The following PLD5 variants were observed in gnomAD, a reference collection of about 807,000 sequenced individuals.
The protein encoded by PLD5 is inactive phospholipase D5.
In PLD5, 36 loss-of-function variants were observed where a neutral mutation model predicts 61.1. The observed-to-expected ratio is 0.59, with a 90% CI of 0.45 to 0.78. The LOEUF (loss-of-function observed/expected upper bound fraction) is 0.78. Ranked by LOEUF, PLD5 falls within the 30% of genes least tolerant of loss-of-function variation. The pLI is 0.00. For missense variants in PLD5, 515 were observed against 644.4 expected (o/e 0.80, Z 2.17); for synonymous variants, 243 against 242.8 (o/e 1.00, Z -0.01).
chr1:242,206,285 T>C (rs1353422340), intron 5 of PLD5, among the ~76,000 whole-genome samples: 1 of 152,212 alleles, frequency 6.6e-6, no homozygotes. Context: ...TGCCGCCTAC[T>C]CCCTCTGGCT....
chr1:242,259,701 TC>T (rs1235446640), intron 4 of PLD5, among the ~76,000 whole-genome samples: 2 of 152,192 alleles, frequency 1.3e-5, no homozygotes, highest in African/African-American at 2.4e-5. Flanking sequence ...CTTTTTTTTT[TC>T]AAAAGGAAAT....
Position 242,295,069 on chromosome 1 carries a change from C to T in PLD5, c.327-6539G>A, listed in dbSNP as rs149154435. On this transcript the variant is annotated intron_variant, in intron 2 of 9. Coordinates refer to ENST00000536534, the MANE Select transcript of PLD5 (RefSeq NM_001372062.1). ...AGGGGAACAGATGATCTCGGCTCAT[C>T]AATACAGTCAGGTTCACACTCAAAG... Among the ~76,000 whole-genome samples the T allele has an allele frequency of 1.9e-3, 284 of 152,244 alleles. 1 individual carries two copies. The highest frequency in any genetic ancestry group is 6.5e-3 in the African/African-American group (269 of 41,542).
chr1:242,110,960 A>G (rs1279263860), intron 7 of PLD5, among the ~76,000 whole-genome samples: 2 of 152,236 alleles, frequency 1.3e-5, no homozygotes, highest in Non-Finnish European at 2.9e-5. Flanking sequence ...TGAAGAAATA[A>G]ATAATGAACA....
intron 5 of PLD5, among the ~76,000 whole-genome samples, chr1:242,143,807 C>T (rs1025974975): frequency 4.6e-5 from 7 of 152,016 alleles, no homozygotes; most frequent in Admixed American, 2.6e-4. Context: ...CCCCAAATGA[C>T]GACATTCAAA....
intron 9 of PLD5, among the ~76,000 whole-genome samples, chr1:242,097,886 C>T (rs1421280464): frequency 6.6e-6 from 1 of 152,174 alleles, no homozygotes; most frequent in Non-Finnish European, 1.5e-5. Flanking sequence ...TTAGGTCTAA[C>T]ATTTAAATCT....
chr1:242,134,103 T>C (rs1473157233), intron 5 of PLD5, among the ~76,000 whole-genome samples: 1 of 152,186 alleles, frequency 6.6e-6, no homozygotes. Flanking sequence ...GACAAAACAC[T>C]GGGCAAGACC....
intron 5 of PLD5, among the ~76,000 whole-genome samples, chr1:242,162,180 G>A (rs1324333958): frequency 1.3e-5 from 2 of 152,108 alleles, no homozygotes; most frequent in African/African-American, 4.8e-5. Context: ...CAATTAAAAT[G>A]TCAAAAGATT....
At chr1:242,529,898 C>T in the PLD5 span, among the ~76,000 whole-genome samples, 1 of 151,436 alleles carries the variant, frequency 6.6e-6, no homozygotes, top group Admixed American at 6.6e-5. Flanking sequence ...GACAGAGTTT[C>T]ACTCCTGTTA....
At chr1:242,375,464 G>A (rs1251504109) in intron 1 of PLD5, among the ~76,000 whole-genome samples, 1 of 152,172 alleles carries the variant, frequency 6.6e-6, no homozygotes, top group African/African-American at 2.4e-5. Flanking sequence ...AATGTCCCAC[G>A]TTTATCTACA....
At chr1:242,377,117 TTG>T (rs1662008837) in intron 1 of PLD5, 1 of 1,611,670 alleles carries the variant, frequency 6.2e-7, no homozygotes, top group African/African-American at 1.3e-5. Flanking sequence ...CAGCCCCATT[TTG>T]CTTGGACACT....
intron 1 of PLD5, among the ~76,000 whole-genome samples, chr1:242,454,355 A>G (rs1368993525): frequency 7.9e-5 from 12 of 151,370 alleles, no homozygotes; most frequent in Admixed American, 7.9e-4. Flanking sequence ...AGGCAAATTT[A>G]ATCTCAAGCA....
intron 1 of PLD5, among the ~76,000 whole-genome samples, chr1:242,482,960 G>A (rs946887600): frequency 2.0e-5 from 3 of 152,138 alleles, no homozygotes; most frequent in African/African-American, 7.2e-5. Flanking sequence ...GCCAAACTAA[G>A]CTTCATAAGT....
intron 5 of PLD5, among the ~76,000 whole-genome samples, chr1:242,199,030 T>C (rs1355727983): frequency 6.6e-6 from 1 of 152,186 alleles, no homozygotes; most frequent in Non-Finnish European, 1.5e-5. Context: ...CACTGTGCCC[T>C]GCCTCATTAT....
chr1:242,415,047 G>A (rs1230321811), intron 1 of PLD5, among the ~76,000 whole-genome samples: 2 of 152,156 alleles, frequency 1.3e-5, no homozygotes, highest in African/African-American at 2.4e-5. Flanking sequence ...GAAATACATT[G>A]AGGTACAGTT....
At position 242,328,720 on chromosome 1, in the gene PLD5, C is replaced by T. The variant is rs202007914; in HGVS notation, c.326+19386G>A. Among the ~76,000 whole-genome samples, 6 of 152,264 alleles carry T rather than the reference C, an allele frequency of 3.9e-5. No individual in the cohort carries two copies. In the East Asian group the frequency reaches 1.2e-3, roughly 29 times the overall value. On this transcript the variant is annotated intron_variant, in intron 2 of 9. Transcript: ENST00000536534. ...AAGAGTAGTAAAGAACTACTTTCTGCCTCTGAGGTTTTATTAGGCATTTCA... is the reference window on the plus strand; with the variant it reads ...AAGAGTAGTAAAGAACTACTTTCTGTCTCTGAGGTTTTATTAGGCATTTCA...
intron 8 of PLD5, among the ~76,000 whole-genome samples, chr1:242,103,566 G>T (rs981884739): frequency 2.0e-5 from 3 of 152,128 alleles, no homozygotes; most frequent in African/African-American, 7.2e-5. Context: ...AATCCCAAGA[G>T]TTCTCTTGTC....
At chr1:242,391,091 A>C (rs1284957211) in intron 1 of PLD5, among the ~76,000 whole-genome samples, 1 of 152,154 alleles carries the variant, frequency 6.6e-6, no homozygotes, top group East Asian at 1.9e-4. Context: ...GCTACTCGGG[A>C]GGCTGAGGCA....
At chr1:242,091,096 G>T (rs1659787187) in intron 9 of PLD5, among the ~76,000 whole-genome samples, 1 of 151,914 alleles carries the variant, frequency 6.6e-6, no homozygotes, top group African/African-American at 2.4e-5. Flanking sequence ...TTCCCTCTAT[G>T]CATGTCTCTG....
intron 2 of PLD5, among the ~76,000 whole-genome samples, chr1:242,331,240 T>C (rs1659151078): frequency 6.6e-6 from 1 of 152,210 alleles, no homozygotes. Context: ...GTGCAGCGAT[T>C]AAGACATGGT....
Sources: allele counts gnomAD v4.1 joint callset (sites outside exome capture counted in the v4.1 genomes callset), GRCh38; gene constraint gnomAD v4.1.1; transcripts MANE v1.5; gene names NCBI Gene and HGNC (gene_info 2026-07-23, HGNC 2026-07-21).